Variants in LMNTD1 observed in about 807,000 individuals in gnomAD.
LMNTD1 encodes the protein lamin tail domain-containing protein 1.
In LMNTD1, 35 loss-of-function variants were observed where a neutral mutation model predicts 50.9. The ratio of observed to expected loss-of-function variants is 0.69; its 90% CI spans 0.53 to 0.91. LMNTD1 has a LOEUF of 0.91. Ranked by LOEUF, LMNTD1 falls within the 40% of genes least tolerant of loss-of-function variation. The pLI is 0.00. For missense variants in LMNTD1, 470 were observed against 475.5 expected (o/e 0.99, Z 0.11); for synonymous variants, 153 against 161.9 (o/e 0.94, Z 0.42).
intron 1 of LMNTD1, among the ~76,000 whole-genome samples, chr12:25,602,912 T>C (rs1201925071): frequency 1.3e-5 from 2 of 152,082 alleles, no homozygotes; most frequent in African/African-American, 4.8e-5. Context: ...TTGAATTTTG[T>C]ACAATGCACG....
chr12:25,590,724 G>C (rs1439283002), intron 1 of LMNTD1, among the ~76,000 whole-genome samples: 2 of 152,158 alleles, frequency 1.3e-5, no homozygotes, highest in Non-Finnish European at 2.9e-5. Flanking sequence ...GCAGGATAGA[G>C]CTGTGATAGG....
rs1430445308 is a variant in LMNTD1 at position 25,519,788 on chromosome 12, T to A, written c.1016+70A>T. The stretch of plus-strand genomic sequence containing the variant: ...CATCACACATCCATTTGTCATCTAG[T>A]CGTTCCCACATGCTTAGTTACTAAT... On this transcript the variant is annotated intron_variant, in intron 7 of 9. Transcript: ENST00000458174. 3 of 974,304 alleles carry A rather than the reference T, an allele frequency of 3.1e-6. No individual in the cohort carries two copies. In the Admixed American group the frequency reaches 5.6e-5, roughly 18 times the overall value. 60.4% of individuals were successfully genotyped at this position (974,304 alleles called of 1,614,324 possible).
chr12:25,496,012 T>C (rs1014937921), intron 9 of LMNTD1, among the ~76,000 whole-genome samples: 1 of 152,198 alleles, frequency 6.6e-6, no homozygotes, highest in Non-Finnish European at 1.5e-5. Flanking sequence ...ATCAGAGATA[T>C]GTAGATGAAA....
intron 9 of LMNTD1, among the ~76,000 whole-genome samples, chr12:25,477,410 C>A (rs934215795): frequency 1.3e-5 from 2 of 151,538 alleles, no homozygotes; most frequent in Non-Finnish European, 2.9e-5. Context: ...TAAAATCGGT[C>A]GTAGAAAGCA....
chr12:25,489,291 G>A (rs980718710), intron 9 of LMNTD1, among the ~76,000 whole-genome samples: 24 of 150,586 alleles, frequency 1.6e-4, no homozygotes, highest in South Asian at 8.6e-4. Context: ...TTCCGTGGGC[G>A]TAGGACCCTC....
chr12:25,551,105 A>T (rs1943719000), intron 2 of LMNTD1, among the ~76,000 whole-genome samples: 1 of 152,226 alleles, frequency 6.6e-6, no homozygotes, highest in African/African-American at 2.4e-5. Context: ...GTAAGACACG[A>T]CTTCTCCCTG....
chr12:25,599,165 A>G (rs11048123), intron 1 of LMNTD1, among the ~76,000 whole-genome samples: 42,505 of 151,914 alleles, frequency 0.28, 7,474 homozygotes, highest in East Asian at 0.8. Context: ...CAATATTTAT[A>G]TATCAATCAA....
chr12:25,553,176 A>G lies in LMNTD1; in HGVS notation c.-138T>C. The G allele has an allele frequency of 3.7e-6, 6 of 1,600,796 alleles. No homozygotes were observed. The highest frequency in any genetic ancestry group is 5.1e-6 in the Non-Finnish European group (6 of 1,175,350). ...GGATATGTAAGTACCAACATAGCCA[A>G]TCCTGATCTTGGCTAAGGATGTCGG... is the stretch of plus-strand genomic sequence containing the variant. On this transcript the variant is annotated 5_prime_UTR_variant, in exon 1 of 10. Transcript: ENST00000458174.
intron 3 of LMNTD1, among the ~76,000 whole-genome samples, chr12:25,548,043 T>C (rs992092091): frequency 6.6e-6 from 1 of 151,854 alleles, no homozygotes; most frequent in African/African-American, 2.4e-5. Flanking sequence ...TGATGAATGA[T>C]AGAAAATCTT....
chr12:25,581,440 C>G (rs1945282937), intron 1 of LMNTD1, among the ~76,000 whole-genome samples: 1 of 152,054 alleles, frequency 6.6e-6, no homozygotes, highest in East Asian at 1.9e-4. Flanking sequence ...ACTCTTTGAA[C>G]CTATTAGGAT....
intron 9 of LMNTD1, among the ~76,000 whole-genome samples, chr12:25,493,543 TC>T (rs1290176519): frequency 1.3e-5 from 2 of 152,238 alleles, no homozygotes; most frequent in African/African-American, 4.8e-5. Flanking sequence ...CATAGTCTCT[TC>T]CTTTGTTCTG....
intron 4 of LMNTD1, among the ~76,000 whole-genome samples, chr12:25,546,022 TTC>T (rs1402599126): frequency 6.6e-6 from 1 of 151,710 alleles, no homozygotes; most frequent in Admixed American, 6.6e-5. Flanking sequence ...ATCTTTCTCC[TTC>T]TGTCTTGAAC....
intron 1 of LMNTD1, among the ~76,000 whole-genome samples, chr12:25,623,702 A>C (rs1289385003): frequency 6.6e-6 from 1 of 152,174 alleles, no homozygotes; most frequent in East Asian, 1.9e-4. Context: ...ATTCTCCAAT[A>C]ACATTGGATA....
At chr12:25,572,117 T>C (rs529529015) in intron 1 of LMNTD1, among the ~76,000 whole-genome samples, 20 of 152,306 alleles carry the variant, frequency 1.3e-4, no homozygotes, top group African/African-American at 4.8e-4. Flanking sequence ...TTATGTAAAA[T>C]AACTTCATAG....
At chr12:25,484,148 A>G (rs1339098193) in intron 9 of LMNTD1, among the ~76,000 whole-genome samples, 5 of 152,056 alleles carry the variant, frequency 3.3e-5, no homozygotes, top group African/African-American at 4.8e-5. Flanking sequence ...ACTTTATCCA[A>G]TTAGAGCTTT....
At chr12:25,639,878 G>A (rs1319594550) in intron 1 of LMNTD1, among the ~76,000 whole-genome samples, 1 of 152,026 alleles carries the variant, frequency 6.6e-6, no homozygotes, top group Non-Finnish European at 1.5e-5. Context: ...TGTCACAATA[G>A]CCAAAAAATG....
intron 8 of LMNTD1, 60 bp downstream of exon 8, chr12:25,518,735 T>G: frequency 6.8e-7 from 1 of 1,462,602 alleles, no homozygotes; most frequent in Non-Finnish European, 9.5e-7. Context: ...ACCCACTAGT[T>G]AACACATGTG....
rs148196573 is a variant in LMNTD1 at position 25,566,446 on chromosome 12, T to A, written c.59-19892A>T. On this transcript the variant is annotated intron_variant, in intron 1 of 7. Coordinates refer to the LMNTD1 transcript ENST00000445693. Reference sequence around the variant, plus strand: ...CGGAAGTGCAAGTATCTTGTTTGTATAACGACTTCTTTTCCTCTGGGTATG... The same window carrying A: ...CGGAAGTGCAAGTATCTTGTTTGTAAAACGACTTCTTTTCCTCTGGGTATG... Among the ~76,000 whole-genome samples, 1,443 of 152,346 alleles carry A rather than the reference T, an allele frequency of 9.5e-3. 31 individuals are homozygous for A. Among genetic ancestry groups the A allele is most frequent in the African/African-American group, 0.033 (1,391 of 41,572 alleles).
rs1941019749 is a variant in LMNTD1, at chr12:25,518,940, G to A, written c.1044C>T (p.Phe348=). The change falls in exon 8 of 10, where the codon TTC becomes TTT. Residue 348 remains phenylalanine, a synonymous_variant. Transcript: ENST00000458174. ...KREKEIPPTV[F]PNRSPWCQNP... is the part of the protein sequence containing the mutation. ...TCTGGCACCAAGGGCTGCGATTAGG[G>A]AAAACGGTTGGTGGGATTTCCTTCT... 6.2e-7 allele frequency: 1 copy of A among 1,614,112 alleles called. No homozygotes were observed. The highest frequency in any genetic ancestry group is 8.5e-7 in the Non-Finnish European group (1 of 1,179,994).
Sources: gnomAD v4.1 joint callset for allele counts (sites outside exome capture counted in the v4.1 genomes callset) on GRCh38, gnomAD v4.1.1 for gene constraint, MANE v1.5 for transcripts, NCBI Gene and HGNC (gene_info 2026-07-23, HGNC 2026-07-21) for gene names.